Variants in BACH2 observed in about 807,000 individuals in gnomAD.
The protein encoded by BACH2 is BACH transcriptional regulator 2.
In BACH2, 5 loss-of-function variants were observed where a neutral mutation model predicts 61.8. That is an observed-to-expected ratio of 0.08 (90% confidence interval 0.04 to 0.17). BACH2 has a LOEUF of 0.17. Ranked by LOEUF, BACH2 falls within the 10% of genes least tolerant of loss-of-function variation. The pLI, the probability that BACH2 is intolerant of heterozygous loss-of-function variation, is 1.00. For missense variants in BACH2, 824 were observed against 1,091.1 expected (o/e 0.76, Z 3.45); for synonymous variants, 446 against 440.1 (o/e 1.01, Z -0.17).
At chr6:90,011,932 A>ATGTGTGTG (rs71027919) in intron 5 of BACH2, among the ~76,000 whole-genome samples, 7,351 of 114,072 alleles carry the variant, frequency 0.064, 339 homozygotes, top group East Asian at 0.11. Flanking sequence ...AAAAAAAAAT[A>ATGTGTGTG]TGTGTGTGTG....
chr6:90,053,978 C>T (rs758252131), intron 5 of BACH2, among the ~76,000 whole-genome samples: 45 of 152,188 alleles, frequency 3.0e-4, no homozygotes, highest in African/African-American at 9.6e-4. Flanking sequence ...TCTGGAATGC[C>T]GGTGGGGAGG....
intron 4 of BACH2, among the ~76,000 whole-genome samples, chr6:90,157,373 G>C (rs1373167940): frequency 2.0e-5 from 3 of 152,118 alleles, no homozygotes; most frequent in African/African-American, 7.2e-5. Flanking sequence ...AGTGAGATTG[G>C]GTTGTTAATT....
intron 3 of BACH2, among the ~76,000 whole-genome samples, chr6:90,244,123 T>C (rs908691786): frequency 1.3e-5 from 2 of 152,132 alleles, no homozygotes; most frequent in African/African-American, 4.8e-5. Context: ...GGTTTCACCA[T>C]GTTGGCCAGG....
rs376912149 is a variant in BACH2, at chr6:90,250,798, G to A, written c.-275+1715C>T. Among the ~76,000 whole-genome samples the A allele has an allele frequency of 4.5e-4, 68 of 152,248 alleles. 4 individuals carry two copies. In the South Asian group the frequency reaches 0.014, roughly 31 times the overall value. On this transcript the variant is annotated intron_variant, in intron 3 of 8. Coordinates refer to ENST00000257749, the MANE Select transcript of BACH2 (RefSeq NM_021813.4). Reference sequence around the variant, plus strand: ...CTCAAAAATGGTTAAGAGAATAAATGTGTTCATTTAACCAAAAATTTTTTT... The same window carrying A: ...CTCAAAAATGGTTAAGAGAATAAATATGTTCATTTAACCAAAAATTTTTTT...
intron 6 of BACH2, among the ~76,000 whole-genome samples, chr6:89,962,047 A>G (rs1398780899): frequency 6.6e-6 from 1 of 152,196 alleles, no homozygotes; most frequent in East Asian, 1.9e-4. Context: ...TATTCAGTCA[A>G]ATTTTTAAAG....
chr6:90,056,532 A>G (rs927407189), intron 5 of BACH2, among the ~76,000 whole-genome samples: 17 of 152,090 alleles, frequency 1.1e-4, no homozygotes, highest in African/African-American at 4.1e-4. Flanking sequence ...GGGAGACTTT[A>G]ACATCCCACT....
At chr6:90,098,755 TCCAGGG>T (rs2127810775) in intron 4 of BACH2, among the ~76,000 whole-genome samples, 1 of 152,302 alleles carries the variant, frequency 6.6e-6, no homozygotes, top group East Asian at 1.9e-4. Flanking sequence ...CCATGGAGCA[TCCAGGG>T]TAACTTCTTC....
At chr6:89,949,943 G>C (rs994703182) in intron 7 of BACH2, among the ~76,000 whole-genome samples, 3 of 152,058 alleles carry the variant, frequency 2.0e-5, no homozygotes, top group Non-Finnish European at 4.4e-5. Flanking sequence ...GGTGTAGGAG[G>C]GGGAGAGAGG....
chr6:89,949,759 A>T (rs1773962714), intron 7 of BACH2, among the ~76,000 whole-genome samples: 1 of 152,170 alleles, frequency 6.6e-6, no homozygotes, highest in Admixed American at 6.5e-5. Flanking sequence ...ACTGTGATGG[A>T]CATGGGATGG....
intron 4 of BACH2, among the ~76,000 whole-genome samples, chr6:90,094,913 T>A (rs1782320363): frequency 2.0e-5 from 3 of 152,088 alleles, no homozygotes; most frequent in Admixed American, 2.0e-4. Flanking sequence ...GAAAGACAAT[T>A]TAATACAATG....
At chr6:90,077,206 A>C (rs1043122306) in intron 5 of BACH2, among the ~76,000 whole-genome samples, 1 of 152,176 alleles carries the variant, frequency 6.6e-6, no homozygotes, top group Non-Finnish European at 1.5e-5. Context: ...AGGGAATCAC[A>C]GCCAGAGTCT....
At chr6:90,254,251 A>G (rs1482217470) in intron 2 of BACH2, among the ~76,000 whole-genome samples, 1 of 151,922 alleles carries the variant, frequency 6.6e-6, no homozygotes, top group East Asian at 1.9e-4. Context: ...TGATCCCTAC[A>G]GACAGACTCA....
intron 1 of BACH2, among the ~76,000 whole-genome samples, chr6:90,295,654 G>GGTGTGTGTGTGT (rs138869202): frequency 2.0e-3 from 295 of 147,820 alleles, no homozygotes; most frequent in Middle Eastern, 6.9e-3. Context: ...TGGAGTGTAG[G>GGTGTGTGTGTGT]GTGTGTGTGT....
At position 90,079,254 on chromosome 6, in the gene BACH2, G is replaced by A. The variant is rs565203299; in HGVS notation, c.-13+9707C>T. Among the ~76,000 whole-genome samples the A allele has an allele frequency of 2.6e-5, 4 of 152,124 alleles. No homozygotes were observed. The South Asian group carries it at 6.2e-4, about 24-fold the overall frequency. On this transcript the variant is annotated intron_variant, in intron 5 of 8. Coordinates refer to ENST00000257749, the MANE Select transcript of BACH2 (RefSeq NM_021813.4). ...GTCTACAGAAGATACTACAGGGCAGGCGTGTGCTCATCCTTGTCCCTTCTC... is the reference window on the plus strand; with the variant it reads ...GTCTACAGAAGATACTACAGGGCAGACGTGTGCTCATCCTTGTCCCTTCTC...
intron 4 of BACH2, among the ~76,000 whole-genome samples, chr6:90,108,263 A>T (rs1215767172): frequency 6.6e-6 from 1 of 152,190 alleles, no homozygotes; most frequent in Non-Finnish European, 1.5e-5. Flanking sequence ...GGTATTAATT[A>T]TCATTAGTAA....
chr6:89,933,440 C>T (rs1382430019), intron 8 of BACH2, among the ~76,000 whole-genome samples: 1 of 152,076 alleles, frequency 6.6e-6, no homozygotes, highest in Non-Finnish European at 1.5e-5. Flanking sequence ...CTCTGTATGA[C>T]ACTATACTGG....
chr6:90,100,702 G>GACACACACACACACACAC (rs372719418), intron 4 of BACH2, among the ~76,000 whole-genome samples: 7 of 64,246 alleles, frequency 1.1e-4, no homozygotes, highest in Non-Finnish European at 1.3e-4. Flanking sequence ...CACACACACA[G>GACACACACACACACACAC]ACACACACAC....
intron 5 of BACH2, among the ~76,000 whole-genome samples, chr6:90,076,412 CT>C (rs1196131188): frequency 6.6e-6 from 1 of 152,188 alleles, no homozygotes; most frequent in Non-Finnish European, 1.5e-5. Context: ...TACTTATTCC[CT>C]TATGGTCCAT....
rs187474066 is a variant in BACH2, at chr6:90,038,658, T to C, written c.-12-29802A>G. The stretch of plus-strand genomic sequence containing the variant: ...TTTTCTAGAGGCCACGAGTGTCTCT[T>C]GTGTATCCTTCCAGAGAGAACTGAT... On this transcript the variant is annotated intron_variant, in intron 5 of 8. Coordinates refer to ENST00000257749, the MANE Select transcript of BACH2 (RefSeq NM_021813.4). Among the ~76,000 whole-genome samples, 359 of 152,282 alleles carry C rather than the reference T, an allele frequency of 2.4e-3. 3 individuals carry two copies. Among genetic ancestry groups the C allele is most frequent in the Admixed American group, 6.1e-3 (93 of 15,288 alleles).
Sources: allele counts gnomAD v4.1 joint callset (sites outside exome capture counted in the v4.1 genomes callset), GRCh38; gene constraint gnomAD v4.1.1; transcripts MANE v1.5; gene names NCBI Gene and HGNC (gene_info 2026-07-23, HGNC 2026-07-21).